MOB1B: variants seen among roughly 807,000 people sequenced by gnomAD.
The protein encoded by MOB1B is MOB1 Mps One Binder homolog B.
Under a neutral mutation model 24.4 loss-of-function variants are expected in MOB1B, and 19 were observed. The observed-to-expected ratio is 0.78, with a 90% CI of 0.54 to 1.14. MOB1B has a LOEUF of 1.14. Ranked by LOEUF, MOB1B falls within the 50% of genes most tolerant of loss-of-function variation. MOB1B has a pLI of 0.00. For missense variants in MOB1B, 243 were observed against 259.6 expected (o/e 0.94, Z 0.44); for synonymous variants, 76 against 82.1 (o/e 0.93, Z 0.40).
intron 1 of MOB1B, among the ~76,000 whole-genome samples, chr4:70,957,714 G>A (rs570633927): frequency 6.6e-6 from 1 of 151,228 alleles, no homozygotes; most frequent in African/African-American, 2.4e-5. Flanking sequence ...AAGTAGCTGG[G>A]ATTACCAGTG....
chr4:70,957,666 C>T (rs560047810), intron 1 of MOB1B, among the ~76,000 whole-genome samples: 1 of 151,810 alleles, frequency 6.6e-6, no homozygotes, highest in African/African-American at 2.4e-5. Context: ...TGGTCTCGAA[C>T]TCCTGGCCTG....
At chr4:70,957,274 A>C (rs907533077) in intron 1 of MOB1B, among the ~76,000 whole-genome samples, 7 of 150,634 alleles carry the variant, frequency 4.6e-5, no homozygotes, top group South Asian at 2.1e-4. Context: ...AAAAAAAAAA[A>C]AAAACAGAAA....
intron 1 of MOB1B, among the ~76,000 whole-genome samples, chr4:70,936,501 C>T (rs926584442): frequency 3.3e-5 from 5 of 152,134 alleles, no homozygotes; most frequent in Non-Finnish European, 5.9e-5. Flanking sequence ...GGCACCGTGC[C>T]TGGCTCATTC....
intron 1 of MOB1B, among the ~76,000 whole-genome samples, chr4:70,949,000 A>G (rs1042952464): frequency 6.6e-6 from 1 of 152,114 alleles, no homozygotes; most frequent in African/African-American, 2.4e-5. Flanking sequence ...TTCGCCTATA[A>G]TCTTCTGGAG....
At chr4:70,933,391 A>T (rs746705527) in intron 1 of MOB1B, among the ~76,000 whole-genome samples, 6 of 152,114 alleles carry the variant, frequency 3.9e-5, no homozygotes, top group Non-Finnish European at 7.4e-5. Context: ...TTCTATACAT[A>T]ATCCATTTTA....
intron 1 of MOB1B, among the ~76,000 whole-genome samples, chr4:70,922,437 G>A (rs1736473963): frequency 6.6e-6 from 1 of 152,156 alleles, no homozygotes; most frequent in Non-Finnish European, 1.5e-5. Flanking sequence ...AGAAAGGCAG[G>A]ACAATTCGAG....
chr4:70,902,851 G>C (rs900237672), intron 1 of MOB1B, among the ~76,000 whole-genome samples: 1 of 152,160 alleles, frequency 6.6e-6, no homozygotes, highest in African/African-American at 2.4e-5. Context: ...GCCTTCGCTC[G>C]CATTCCCGGG....
intron 4 of MOB1B, among the ~76,000 whole-genome samples, chr4:70,978,652 A>C (rs993392848): frequency 3.3e-5 from 5 of 152,246 alleles, no homozygotes; most frequent in Non-Finnish European, 7.3e-5. Flanking sequence ...TAGAGAATGC[A>C]GCTAATTTCA....
At chr4:70,964,928 C>T (rs1738451525) in intron 2 of MOB1B, among the ~76,000 whole-genome samples, 2 of 142,596 alleles carry the variant, frequency 1.4e-5, no homozygotes, top group Non-Finnish European at 3.0e-5. Flanking sequence ...GAAACTCCGT[C>T]TCAAAAAAAA....
intron 1 of MOB1B, among the ~76,000 whole-genome samples, chr4:70,913,656 T>C (rs952923625): frequency 9.2e-5 from 14 of 152,150 alleles, no homozygotes; most frequent in Non-Finnish European, 1.6e-4. Flanking sequence ...TTATTGGTGG[T>C]GTTAACTTTG....
intron 1 of MOB1B, among the ~76,000 whole-genome samples, chr4:70,944,458 A>C (rs1054573521): frequency 1.3e-5 from 2 of 152,172 alleles, no homozygotes; most frequent in African/African-American, 4.8e-5. Flanking sequence ...ATAGTTTAGA[A>C]AAGTTTGAGA....
chr4:70,946,823 G>GA (rs1214905317), intron 1 of MOB1B, among the ~76,000 whole-genome samples: 1 of 151,386 alleles, frequency 6.6e-6, no homozygotes, highest in Non-Finnish European at 1.5e-5. Context: ...GAAGGGGAAG[G>GA]AAAAAAAAGG....
intron 1 of MOB1B, among the ~76,000 whole-genome samples, chr4:70,928,174 T>C (rs112294261): frequency 6.6e-6 from 1 of 152,212 alleles, no homozygotes; most frequent in Non-Finnish European, 1.5e-5. Context: ...CACTGTCATG[T>C]GTATGATCTC....
intron 1 of MOB1B, among the ~76,000 whole-genome samples, chr4:70,955,922 A>C (rs948534067): frequency 2.6e-5 from 4 of 151,898 alleles, no homozygotes; most frequent in Non-Finnish European, 5.9e-5. Flanking sequence ...TATTTTTTGG[A>C]GGCAGAGCCT....
At chr4:70,902,635 C>A in intron 1 of MOB1B, 85 bp downstream of exon 1, 3 of 1,336,916 alleles carry the variant, frequency 2.2e-6, no homozygotes, top group Non-Finnish European at 3.0e-6. Context: ...CGCCCGCCCT[C>A]GTCCCGACCC....
intron 1 of MOB1B, among the ~76,000 whole-genome samples, chr4:70,943,631 G>A (rs1404262864): frequency 6.6e-6 from 1 of 152,098 alleles, no homozygotes; most frequent in African/African-American, 2.4e-5. Flanking sequence ...AAGACATATG[G>A]GACCTGCTTC....
chr4:70,911,655 A>G (rs1219931253), intron 1 of MOB1B, among the ~76,000 whole-genome samples: 1 of 152,104 alleles, frequency 6.6e-6, no homozygotes, highest in Non-Finnish European at 1.5e-5. Context: ...CTCTAAGTGT[A>G]GTTGCAGTTT....
chr4:70,904,544 A>G (rs1310653979), intron 1 of MOB1B, among the ~76,000 whole-genome samples: 2 of 151,802 alleles, frequency 1.3e-5, no homozygotes, highest in African/African-American at 4.8e-5. Context: ...GCAGATCACC[A>G]GGTCAGGAGT....
In MOB1B at chr4:70,969,970, C is replaced by G. The variant is rs1485546616; in HGVS notation, c.221C>G (p.Thr74Ser). The change falls in exon 3 of 6, where the codon ACT (threonine) becomes AGT (serine). Residue 74 changes from threonine (T) to serine (S), a missense_variant. By Grantham distance (58) the Thr-to-Ser change is moderately conservative. Coordinates refer to ENST00000309395, the MANE Select transcript of MOB1B (RefSeq NM_173468.4). ...FFNQINMLYGTITDFCTEESC... is the reference protein window; with the variant it reads ...FFNQINMLYGSITDFCTEESC... ...AATCAGATCAACATGCTTTATGGAACTATCACAGACTTCTGTACAGAAGAG... is the reference window on the plus strand; with the variant it reads ...AATCAGATCAACATGCTTTATGGAAGTATCACAGACTTCTGTACAGAAGAG... 5.6e-6 allele frequency: 9 copies of G among 1,607,112 alleles called. No homozygotes were observed. In the East Asian group the frequency reaches 2.0e-4, roughly 36 times the overall value.
Sources: gnomAD v4.1 joint callset for allele counts (sites outside exome capture counted in the v4.1 genomes callset) on GRCh38, gnomAD v4.1.1 for gene constraint, MANE v1.5 for transcripts, NCBI Gene and HGNC (gene_info 2026-07-23, HGNC 2026-07-21) for gene names.